Variants in HECTD2 observed in about 807,000 individuals in gnomAD.
The protein encoded by HECTD2 is HECT domain E3 ubiquitin protein ligase 2.
HECTD2 carries 35 observed loss-of-function variants against 103.2 expected under a neutral mutation model. That is an observed-to-expected ratio of 0.34 (90% confidence interval 0.26 to 0.45). The LOEUF (loss-of-function observed/expected upper bound fraction) is 0.45. Among genes scored for constraint, HECTD2 ranks in the 20% least tolerant of loss-of-function variants. The probability of loss-of-function intolerance (pLI) is 1.00; values close to 1 mark genes in which losing one functional copy is unlikely to be tolerated. For missense variants in HECTD2, 596 were observed against 937.4 expected (o/e 0.64, Z 4.76); for synonymous variants, 281 against 329.9 (o/e 0.85, Z 1.61).
chr10:91,493,503 G>A lies in HECTD2; in HGVS notation c.1516G>A (p.Gly506Arg). Reference sequence around the variant, plus strand: ...TAACTATTCTGAATTCCGATTGGTTGGAATTGTATCCTTTAAACTTTCCAC... The same window carrying A: ...TAACTATTCTGAATTCCGATTGGTTAGAATTGTATCCTTTAAACTTTCCAC... ...CDNYSEFRLV[G>R]ILMGLAVYNS... is the part of the protein sequence containing the mutation. Residue 506 changes from glycine (G) to arginine (R), a missense_variant, in exon 14 of 21, where the codon GGA becomes AGA. Coordinates refer to ENST00000298068, the MANE Select transcript of HECTD2 (RefSeq NM_182765.6). 2 of 1,518,532 alleles carry A rather than the reference G, an allele frequency of 1.3e-6. No individual in the cohort carries two copies. Among genetic ancestry groups the A allele is most frequent in the Non-Finnish European group, 8.9e-7 (1 of 1,123,942 alleles). The allele number at this position is 1,518,532 out of a possible 1,614,324, so 94.1% of individuals were successfully genotyped here. A position where few individuals can be genotyped will look rare whatever the true frequency, so the allele number is the denominator to read the frequency against.
intron 12 of HECTD2, 114 bp from the exon 13 acceptor site, chr10:91,492,238 T>G (rs957531781): frequency 1.1e-5 from 10 of 949,498 alleles, no homozygotes; most frequent in Non-Finnish European, 1.6e-5. Context: ...GGGATGGAGT[T>G]TTGTAGCATT....
At chr10:91,424,712 T>C (rs1432600547) in intron 1 of HECTD2, among the ~76,000 whole-genome samples, 1 of 152,106 alleles carries the variant, frequency 6.6e-6, no homozygotes, top group Non-Finnish European at 1.5e-5. Flanking sequence ...TACCTGTGCC[T>C]AAGGATCCCA....
chr10:91,470,213 G>T (rs566450871), intron 5 of HECTD2, among the ~76,000 whole-genome samples: 1 of 152,232 alleles, frequency 6.6e-6, no homozygotes, highest in Non-Finnish European at 1.5e-5. Context: ...TGACCAAATG[G>T]ACCTAACAGA....
At chr10:91,503,190 C>A (rs1846974440) in intron 20 of HECTD2, among the ~76,000 whole-genome samples, 1 of 152,178 alleles carries the variant, frequency 6.6e-6, no homozygotes, top group African/African-American at 2.4e-5. Context: ...TAGAGAAATG[C>A]AAATCAAAAC....
intron 2 of HECTD2, among the ~76,000 whole-genome samples, chr10:91,452,390 G>GA (rs1053427944): frequency 2.0e-5 from 3 of 151,988 alleles, no homozygotes; most frequent in South Asian, 4.1e-4. Context: ...AAGCAGCCAG[G>GA]AAAAAATGAC....
At chr10:91,496,109 AGT>A in intron 14 of HECTD2, 103 bp from the exon 15 acceptor site, 1 of 611,754 alleles carries the variant, frequency 1.6e-6, no homozygotes, top group Non-Finnish European at 2.8e-6. Flanking sequence ...TTAGAAAGTC[AGT>A]GTTAAATCTG....
intron 14 of HECTD2, 28 bp downstream of exon 14, chr10:91,493,536 T>C (rs760218786): frequency 7.0e-6 from 8 of 1,137,326 alleles, no homozygotes; most frequent in Non-Finnish European, 7.6e-6. Context: ...CACTAGGAGG[T>C]GCTAATAGAT....
Position 91,468,957 on chromosome 10 carries a change from AC to A in HECTD2, c.600+6774del, listed in dbSNP as rs1308181935. Among the ~76,000 whole-genome samples, 407 of 151,328 alleles carry A rather than the reference AC, an allele frequency of 2.7e-3. 1 individual carries two copies. The highest frequency in any genetic ancestry group is 4.2e-3 in the Non-Finnish European group (282 of 67,802). Reference sequence around the variant, plus strand: ...TCTCACTCAAAAAAAAAAAAAAAAAACAAGAGTACAGTTGCAAACATTAACA... The same window carrying A: ...TCTCACTCAAAAAAAAAAAAAAAAAAAAGAGTACAGTTGCAAACATTAACA... On this transcript the variant is annotated intron_variant, in intron 5 of 20. Transcript: ENST00000298068.
chr10:91,499,690 C>T (rs1846817233), intron 18 of HECTD2, among the ~76,000 whole-genome samples: 1 of 152,152 alleles, frequency 6.6e-6, no homozygotes, highest in Non-Finnish European at 1.5e-5. Flanking sequence ...TCAGAAGTAT[C>T]ATAGGATACC....
chr10:91,410,848 G>A (rs1314380273), intron 1 of HECTD2, among the ~76,000 whole-genome samples: 4 of 152,156 alleles, frequency 2.6e-5, no homozygotes, highest in African/African-American at 9.6e-5. Flanking sequence ...TGGGGCTTGG[G>A]CCCCCACTTT....
chr10:91,496,425 C>T (rs1017908966), intron 15 of HECTD2, 53 bp downstream of exon 15: 10 of 1,296,350 alleles, frequency 7.7e-6, no homozygotes, highest in Non-Finnish European at 9.9e-6. Flanking sequence ...CATCTTTTTT[C>T]TACCTGCACA....
At chr10:91,469,120 A>T (rs981939798) in intron 5 of HECTD2, among the ~76,000 whole-genome samples, 1 of 152,212 alleles carries the variant, frequency 6.6e-6, no homozygotes, top group South Asian at 2.1e-4. Flanking sequence ...AAAGAGACCA[A>T]ATCTACAACT....
intron 1 of HECTD2, among the ~76,000 whole-genome samples, chr10:91,423,919 T>G (rs1460428241): frequency 6.6e-6 from 1 of 152,194 alleles, no homozygotes; most frequent in Admixed American, 6.6e-5. Flanking sequence ...TAAGAATGAT[T>G]GGTTTTATAG....
chr10:91,470,540 A>T (rs1202323081), intron 5 of HECTD2, among the ~76,000 whole-genome samples: 1 of 152,216 alleles, frequency 6.6e-6, no homozygotes, highest in Non-Finnish European at 1.5e-5. Flanking sequence ...AATCTCTGGG[A>T]CCCAGCACTG....
chr10:91,457,487 G>A (rs1845157803), intron 2 of HECTD2, among the ~76,000 whole-genome samples: 2 of 151,978 alleles, frequency 1.3e-5, no homozygotes, highest in Non-Finnish European at 2.9e-5. Context: ...GGTCACTCCA[G>A]GGATGCTAGA....
At chr10:91,430,341 A>G (rs1294915120) in intron 2 of HECTD2, among the ~76,000 whole-genome samples, 2 of 152,138 alleles carry the variant, frequency 1.3e-5, no homozygotes, top group Non-Finnish European at 1.5e-5. Context: ...GGTGCTGAAA[A>G]AAATGTCTAT....
intron 2 of HECTD2, among the ~76,000 whole-genome samples, chr10:91,431,248 T>C (rs1354068368): frequency 6.6e-6 from 1 of 151,912 alleles, no homozygotes; most frequent in Non-Finnish European, 1.5e-5. Flanking sequence ...CCGAGAGATC[T>C]GCTGTTAGTC....
intron 2 of HECTD2, among the ~76,000 whole-genome samples, chr10:91,453,687 A>G (rs1417532317): frequency 1.3e-5 from 2 of 152,150 alleles, no homozygotes; most frequent in Non-Finnish European, 2.9e-5. Flanking sequence ...CACAGACTTA[A>G]GTTCTACCTT....
At chr10:91,459,462 A>G (rs534051929) in intron 2 of HECTD2, among the ~76,000 whole-genome samples, 2 of 152,208 alleles carry the variant, frequency 1.3e-5, no homozygotes, top group South Asian at 4.1e-4. Context: ...ATATAGCGGT[A>G]CACCCAAATA....
Sources: allele counts gnomAD v4.1 joint callset (sites outside exome capture counted in the v4.1 genomes callset), GRCh38; gene constraint gnomAD v4.1.1; transcripts MANE v1.5; gene names NCBI Gene and HGNC (gene_info 2026-07-23, HGNC 2026-07-21).